Variants in AMMECR1 observed in about 807,000 individuals in gnomAD.
AMMECR1 encodes the protein nuclear protein AMMECR1.
In AMMECR1, 3 loss-of-function variants were observed where a neutral mutation model predicts 22.5. That is an observed-to-expected ratio of 0.13 (90% CI 0.06 to 0.35). The LOEUF is 0.35. Among genes scored for constraint, AMMECR1 ranks in the 10% least tolerant of loss-of-function variants. AMMECR1 has a pLI of 1.00. For missense variants in AMMECR1, 235 were observed against 278.7 expected (o/e 0.84, Z 1.12); for synonymous variants, 130 against 116.7 (o/e 1.11, Z -0.74).
At chrX:110,305,777 T>C (rs1341536342) in intron 1 of AMMECR1, among the ~76,000 whole-genome samples, 1 of 110,346 alleles carries the variant, frequency 9.1e-6, no homozygotes, top group Non-Finnish European at 1.9e-5. Flanking sequence ...TTTCCATCTC[T>C]CTAGAAAACA....
chrX:110,357,504 T>A (rs932628378), intron 2 of AMMECR1, among the ~76,000 whole-genome samples: 1 of 112,689 alleles, frequency 8.9e-6, no homozygotes, highest in South Asian at 3.7e-4. Flanking sequence ...TTAACTTTGA[T>A]GACAGATGTG....
At chrX:110,213,677 TGTG>T (rs2148169008) in intron 3 of AMMECR1, among the ~76,000 whole-genome samples, 1 of 112,156 alleles carries the variant, frequency 8.9e-6, no homozygotes, top group Admixed American at 9.4e-5. Flanking sequence ...TTTGGCATTC[TGTG>T]TTTAGTAATG....
chrX:110,331,461 C>T (rs371577766), intron 2 of AMMECR1, among the ~76,000 whole-genome samples: 317 of 110,059 alleles, frequency 2.9e-3, no homozygotes, highest in African/African-American at 9.9e-3. Flanking sequence ...GCCTCTCTAT[C>T]TACCTGATTA....
chrX:110,329,226 C>CT (rs1282082084), intron 2 of AMMECR1, among the ~76,000 whole-genome samples: 1 of 112,423 alleles, frequency 8.9e-6, no homozygotes, highest in African/African-American at 3.2e-5. Context: ...TGATGATGAG[C>CT]TTTTTTTCAT....
At chrX:110,248,274 C>G (rs1602825216) in intron 2 of AMMECR1, among the ~76,000 whole-genome samples, 1 of 110,263 alleles carries the variant, frequency 9.1e-6, no homozygotes, top group East Asian at 2.8e-4. Flanking sequence ...TAGTACCAGC[C>G]ACATGGGTGG....
chrX:110,424,941 A>G (rs1276200522), intron 2 of AMMECR1, among the ~76,000 whole-genome samples: 5 of 111,697 alleles, frequency 4.5e-5, no homozygotes, highest in African/African-American at 6.5e-5. Context: ...GGTGGTTTTC[A>G]TTTAGTCTTG....
intron 2 of AMMECR1, among the ~76,000 whole-genome samples, chrX:110,418,110 G>T (rs1217184445): frequency 8.9e-6 from 1 of 112,794 alleles, no homozygotes; most frequent in African/African-American, 3.2e-5. Flanking sequence ...AGAACCCAAA[G>T]AGATGACTTG....
rs759435725 is a variant in AMMECR1 at position 110,429,180 on chromosome X, G to A, written c.-293-2377C>T. Among the ~76,000 whole-genome samples the A allele has an allele frequency of 4.5e-5, 5 of 111,801 alleles. No homozygotes were observed. The South Asian group carries it at 1.9e-3, about 42-fold the overall frequency. On this transcript the variant is annotated intron_variant, in intron 1 of 7. Coordinates refer to the AMMECR1 transcript ENST00000372057. ...GATATTAATAATTATTTTTATATGT[G>A]TGTAGTCTTGCCTGTCTACTGAATT...
At chrX:110,335,355 A>G (rs2068137110) in intron 2 of AMMECR1, among the ~76,000 whole-genome samples, 1 of 111,343 alleles carries the variant, frequency 9.0e-6, no homozygotes, top group African/African-American at 3.3e-5. Context: ...GCCATCTGGG[A>G]AAAAAATGCC....
chrX:110,207,996 T>C (rs932762474), intron 3 of AMMECR1, among the ~76,000 whole-genome samples: 3 of 111,030 alleles, frequency 2.7e-5, no homozygotes, highest in Non-Finnish European at 3.8e-5. Context: ...AACAAACAAA[T>C]AAAGCATCCT....
chrX:110,357,082 T>G (rs1172586888), intron 2 of AMMECR1, among the ~76,000 whole-genome samples: 2 of 112,050 alleles, frequency 1.8e-5, no homozygotes, highest in African/African-American at 6.5e-5. Context: ...AATAGAAAAA[T>G]GAGAACTGAG....
At chrX:110,378,654 C>T (rs1023660515) in intron 2 of AMMECR1, among the ~76,000 whole-genome samples, 1 of 112,190 alleles carries the variant, frequency 8.9e-6, no homozygotes, top group Non-Finnish European at 1.9e-5. Flanking sequence ...TTTCCAGCAT[C>T]AGTGTTTCTT....
intron 1 of AMMECR1, among the ~76,000 whole-genome samples, chrX:110,316,632 A>G (rs2068049191): frequency 1.8e-5 from 2 of 110,907 alleles, no homozygotes; most frequent in Non-Finnish European, 3.8e-5. Flanking sequence ...GACAGGGATT[A>G]GAATTAACCT....
rs1345016537 is a variant in AMMECR1 at position 110,198,289 on chromosome X, G to A, written c.*231C>T. 7.8e-6 allele frequency: 2 copies of A among 254,982 alleles called. No individual in the cohort carries two copies. The highest frequency in any genetic ancestry group is 5.7e-5 in the African/African-American group (2 of 34,919). 21.0% of individuals were successfully genotyped at this position (254,982 alleles called of 1,213,427 possible). ...GAAAAAAAAACCCAAAATTATATAT[G>A]CTGCAAAAAAAAAATCAACGATCTA... is the stretch of plus-strand genomic sequence containing the variant. On this transcript the variant is annotated 3_prime_UTR_variant, in exon 6 of 6. Coordinates refer to ENST00000262844, the MANE Select transcript of AMMECR1 (RefSeq NM_015365.3).
intron 2 of AMMECR1, among the ~76,000 whole-genome samples, chrX:110,415,251 C>T (rs183010187): frequency 2.9e-4 from 33 of 112,368 alleles, no homozygotes; most frequent in Admixed American, 4.7e-4. Flanking sequence ...AAAGCTCTCA[C>T]TTGGAAAGTT....
intron 2 of AMMECR1, among the ~76,000 whole-genome samples, chrX:110,382,021 A>T (rs1428421179): frequency 9.0e-6 from 1 of 111,618 alleles, no homozygotes; most frequent in Non-Finnish European, 1.9e-5. Flanking sequence ...ATTAAAAAAA[A>T]TTTAAACAGC....
At chrX:110,432,953 C>T (rs987605037) in intron 1 of AMMECR1, among the ~76,000 whole-genome samples, 2 of 112,732 alleles carry the variant, frequency 1.8e-5, no homozygotes, top group African/African-American at 6.5e-5. Flanking sequence ...GAGAGATTTG[C>T]ACAGGCTAAC....
intron 1 of AMMECR1, among the ~76,000 whole-genome samples, chrX:110,292,939 G>A (rs757746153): frequency 1.8e-5 from 2 of 111,831 alleles, no homozygotes; most frequent in South Asian, 3.8e-4. Flanking sequence ...ATATATGTGC[G>A]AGCAAGGAGT....
chrX:110,278,482 G>A (rs2067837057), intron 1 of AMMECR1, among the ~76,000 whole-genome samples: 1 of 111,638 alleles, frequency 9.0e-6, no homozygotes, highest in African/African-American at 3.3e-5. Flanking sequence ...ATAAGGCAGT[G>A]AAATAAGGAT....
Sources: allele counts gnomAD v4.1 joint callset (sites outside exome capture counted in the v4.1 genomes callset), GRCh38; gene constraint gnomAD v4.1.1; transcripts MANE v1.5; gene names NCBI Gene and HGNC (gene_info 2026-07-23, HGNC 2026-07-21).